SGCZ: variants seen among roughly 807,000 people sequenced by gnomAD.
SGCZ encodes the protein sarcoglycan zeta, also known as zeta-sarcoglycan.
SGCZ carries 40 observed loss-of-function variants against 41.3 expected under a neutral mutation model. The observed-to-expected ratio is 0.97, with a 90% CI of 0.75 to 1.26. SGCZ has a LOEUF of 1.26. Ranked by LOEUF, SGCZ falls within the 50% of genes most tolerant of loss-of-function variation. The pLI, the probability that SGCZ is intolerant of heterozygous loss-of-function variation, is 0.00. For missense variants in SGCZ, 552 were observed against 369.8 expected, an observed-to-expected ratio of 1.49 and a Z score of -4.04; for synonymous variants, 206 against 137.5, an observed-to-expected ratio of 1.50 and a Z score of -3.49.
chr8:14,944,306 G>A (rs543824755), intron 1 of SGCZ, among the ~76,000 whole-genome samples: 1 of 152,312 alleles, frequency 6.6e-6, no homozygotes, highest in East Asian at 1.9e-4. Flanking sequence ...CATGCCAACA[G>A]AAACATAAAT....
chr8:14,530,802 G>T (rs1228746356), intron 2 of SGCZ, among the ~76,000 whole-genome samples: 1 of 152,102 alleles, frequency 6.6e-6, no homozygotes, highest in African/African-American at 2.4e-5. Context: ...GAGCCAAATA[G>T]TGACACCACA....
At chr8:14,964,563 G>A (rs966184923) in intron 1 of SGCZ, among the ~76,000 whole-genome samples, 6 of 152,326 alleles carry the variant, frequency 3.9e-5, no homozygotes, top group Admixed American at 3.9e-4. Context: ...CAGAAAGCAG[G>A]ATGGGGTAGA....
chr8:15,220,047 AT>A (rs1475795374), intron 1 of SGCZ, among the ~76,000 whole-genome samples: 3 of 152,236 alleles, frequency 2.0e-5, no homozygotes, highest in Non-Finnish European at 4.4e-5. Flanking sequence ...GATCTATAAT[AT>A]ACATATAACT....
chr8:14,693,733 G>A (rs1585187692), intron 1 of SGCZ, among the ~76,000 whole-genome samples: 1 of 151,828 alleles, frequency 6.6e-6, no homozygotes, highest in East Asian at 2.0e-4. Context: ...TGGGACTACA[G>A]GCGCCTGCCA....
At chr8:14,194,115 G>T (rs554514109) in intron 4 of SGCZ, among the ~76,000 whole-genome samples, 2 of 151,594 alleles carry the variant, frequency 1.3e-5, no homozygotes, top group Non-Finnish European at 3.0e-5. Flanking sequence ...AATATAATAC[G>T]TAAGAGATTT....
chr8:14,272,832 G>C (rs535047116), intron 3 of SGCZ, among the ~76,000 whole-genome samples: 1 of 152,060 alleles, frequency 6.6e-6, no homozygotes, highest in East Asian at 1.9e-4. Context: ...TTTTACATTT[G>C]AATTGTTATA....
chr8:15,157,121 G>A (rs949018679), intron 1 of SGCZ, among the ~76,000 whole-genome samples: 2 of 152,098 alleles, frequency 1.3e-5, no homozygotes, highest in African/African-American at 2.4e-5. Context: ...AAATGATGCA[G>A]AGGCAGAAAA....
intron 1 of SGCZ, among the ~76,000 whole-genome samples, chr8:14,801,732 A>C (rs1022274699): frequency 1.3e-5 from 2 of 152,224 alleles, no homozygotes; most frequent in Non-Finnish European, 2.9e-5. Context: ...TCATGTGGTC[A>C]ACAAATTAAG....
chr8:14,585,130 C>T (rs1390732388), intron 1 of SGCZ, among the ~76,000 whole-genome samples: 1 of 152,090 alleles, frequency 6.6e-6, no homozygotes, highest in Non-Finnish European at 1.5e-5. Flanking sequence ...ATAATCTCTA[C>T]TAATAAACAT....
chr8:14,147,887 T>TA (rs1389194731), intron 5 of SGCZ, among the ~76,000 whole-genome samples: 1 of 151,856 alleles, frequency 6.6e-6, no homozygotes, highest in Non-Finnish European at 1.5e-5. Context: ...AACTAGAAAT[T>TA]AATAATAAGA....
intron 4 of SGCZ, among the ~76,000 whole-genome samples, chr8:14,210,287 G>C (rs1018639947): frequency 3.9e-5 from 6 of 152,022 alleles, no homozygotes; most frequent in African/African-American, 1.5e-4. Flanking sequence ...TCGAACTCCT[G>C]ACCTGAAGTG....
At chr8:14,965,644 C>T (rs1055350178) in intron 1 of SGCZ, among the ~76,000 whole-genome samples, 1 of 152,090 alleles carries the variant, frequency 6.6e-6, no homozygotes, top group Admixed American at 6.6e-5. Flanking sequence ...AAGATATTAA[C>T]ATAGCATTTT....
intron 1 of SGCZ, among the ~76,000 whole-genome samples, chr8:14,888,304 T>G (rs779583696): frequency 1.3e-4 from 20 of 152,118 alleles, no homozygotes; most frequent in Non-Finnish European, 1.9e-4. Flanking sequence ...CATAAAGATA[T>G]TCTGTTGCCA....
At position 14,554,938 on chromosome 8, in the gene SGCZ, AAAAG is replaced by A; in HGVS notation, c.40-16_40-13del. 1.3e-6 allele frequency: 2 copies of A among 1,535,222 alleles called. No homozygotes were observed. The highest frequency in any genetic ancestry group is 1.8e-6 in the Non-Finnish European group (2 of 1,139,932). ...TGTTCTCGTGTCATCTGAAAAAGAA[AAAAG>A]AAAGAAAGAGAAAGAAGGAAAAAAA... On this transcript the variant is annotated splice_polypyrimidine_tract_variant and intron_variant, in intron 1 of 7. Coordinates refer to ENST00000382080, the MANE Select transcript of SGCZ (RefSeq NM_139167.4).
At chr8:14,538,898 T>C (rs2117144928) in intron 2 of SGCZ, among the ~76,000 whole-genome samples, 1 of 152,008 alleles carries the variant, frequency 6.6e-6, no homozygotes, top group African/African-American at 2.4e-5. Flanking sequence ...GGATTTGAAG[T>C]AGGTCAATTA....
chr8:14,923,968 A>C (rs1320272900), intron 1 of SGCZ, among the ~76,000 whole-genome samples: 1 of 152,212 alleles, frequency 6.6e-6, no homozygotes, highest in African/African-American at 2.4e-5. Flanking sequence ...GACAAAAGGC[A>C]GCAACTTCTG....
At chr8:14,160,828 CATT>C (rs1341330942) in intron 5 of SGCZ, among the ~76,000 whole-genome samples, 1 of 152,128 alleles carries the variant, frequency 6.6e-6, no homozygotes, top group Non-Finnish European at 1.5e-5. Context: ...GTCTGTGAAT[CATT>C]ATAGTCATAA....
At chr8:14,321,622 T>C (rs1000968529) in intron 3 of SGCZ, among the ~76,000 whole-genome samples, 4 of 152,236 alleles carry the variant, frequency 2.6e-5, no homozygotes, top group African/African-American at 2.4e-5. Flanking sequence ...ATGGCATTAA[T>C]AGAGGTTAAA....
chr8:14,122,152 C>T (rs1192617649), intron 5 of SGCZ, among the ~76,000 whole-genome samples: 1 of 152,194 alleles, frequency 6.6e-6, no homozygotes, highest in Admixed American at 6.5e-5. Context: ...CGGCAGGCGC[C>T]TGTAGTCCCA....
Sources: gnomAD v4.1 joint callset for allele counts (sites outside exome capture counted in the v4.1 genomes callset) on GRCh38, gnomAD v4.1.1 for gene constraint, MANE v1.5 for transcripts, NCBI Gene and HGNC (gene_info 2026-07-23, HGNC 2026-07-21) for gene names.